The following ASTN1 variants were observed in gnomAD, a reference collection of about 807,000 sequenced individuals.
ASTN1 encodes astrotactin 1.
In ASTN1, 41 loss-of-function variants were observed where a neutral mutation model predicts 140.7. The ratio of observed to expected loss-of-function variants is 0.29; its 90% CI spans 0.23 to 0.38. The LOEUF is 0.38. Among genes scored for constraint, ASTN1 ranks in the 10% least tolerant of loss-of-function variants. The probability of loss-of-function intolerance (pLI) is 1.00; values close to 1 mark genes in which losing one functional copy is unlikely to be tolerated. For missense variants in ASTN1, 1,479 were observed against 1,678.8 expected (o/e 0.88, Z 2.08); for synonymous variants, 640 against 652.2 (o/e 0.98, Z 0.29).
At position 177,023,554 on chromosome 1, in the gene ASTN1, G is replaced by C; in HGVS notation, c.1288C>G (p.Leu430Val). The C allele has an allele frequency of 6.3e-7, 1 of 1,596,636 alleles. No individual in the cohort carries two copies. The change falls in exon 7 of 23, where the codon CTG becomes GTG. Residue 430 changes from leucine to valine, a missense_variant. Leu to Val is a conservative substitution (Grantham distance 32). Transcript: ENST00000361833. Reference protein sequence around the residue: ...LIADGSRFILLEGSQLDASDW... With the variant: ...LIADGSRFILVEGSQLDASDW... ...CTGGCATCCAGCTGGCTCCCCTCCA[G>C]CAAGATGAAGCGGCTCCCTGCAGGG...
chr1:176,977,745 A>T (rs961861651), intron 8 of ASTN1, among the ~76,000 whole-genome samples: 15 of 152,226 alleles, frequency 9.9e-5, no homozygotes, highest in Non-Finnish European at 4.4e-5. Context: ...GAAATTAAAT[A>T]ACATAAGCCA....
At chr1:176,985,173 T>C (rs1324458457) in intron 8 of ASTN1, among the ~76,000 whole-genome samples, 1 of 152,224 alleles carries the variant, frequency 6.6e-6, no homozygotes, top group Admixed American at 6.5e-5. Context: ...GTCACTTTCA[T>C]CTGCCAGGGG....
At chr1:177,032,874 A>G (rs371716435) in intron 2 of ASTN1, 25 bp from the exon 3 acceptor site, 28 of 1,557,378 alleles carry the variant, frequency 1.8e-5, no homozygotes, top group Middle Eastern at 1.7e-4. Context: ...CCACAGATGG[A>G]TGTGGGAAGA....
At chr1:176,939,881 C>T (rs772951623) in intron 14 of ASTN1, among the ~76,000 whole-genome samples, 11 of 147,776 alleles carry the variant, frequency 7.4e-5, no homozygotes, top group Non-Finnish European at 1.0e-4. Context: ...GAGGGAGGGA[C>T]GGAGGAAGGG....
At chr1:176,874,868 T>C (rs556877351) in intron 21 of ASTN1, among the ~76,000 whole-genome samples, 2 of 152,038 alleles carry the variant, frequency 1.3e-5, no homozygotes, top group South Asian at 4.2e-4. Context: ...ATCAAGCAGT[T>C]AGATGGGAGG....
chr1:177,144,337 C>A (rs1245485374), intron 1 of ASTN1, among the ~76,000 whole-genome samples: 1 of 151,354 alleles, frequency 6.6e-6, no homozygotes, highest in Non-Finnish European at 1.5e-5. Flanking sequence ...ACTGCAAACT[C>A]CGCCTCCCGG....
intron 16 of ASTN1, among the ~76,000 whole-genome samples, chr1:176,911,975 A>C (rs1216791184): frequency 6.6e-6 from 1 of 152,180 alleles, no homozygotes; most frequent in Non-Finnish European, 1.5e-5. Flanking sequence ...AGTGGCAGAA[A>C]TTTTTCAGCT....
At chr1:176,958,133 A>G (rs1043341431) in intron 10 of ASTN1, among the ~76,000 whole-genome samples, 2 of 152,212 alleles carry the variant, frequency 1.3e-5, no homozygotes, top group Non-Finnish European at 2.9e-5. Context: ...CTCTAATTTT[A>G]TGTCTTCTTC....
chr1:176,909,155 G>A (rs1344014974), intron 16 of ASTN1, among the ~76,000 whole-genome samples: 4 of 152,204 alleles, frequency 2.6e-5, no homozygotes, highest in African/African-American at 9.6e-5. Flanking sequence ...CTGGCAGGAG[G>A]GAGCAGACTA....
chr1:176,949,178 A>G lies in ASTN1; in HGVS notation c.2054+7T>C. ...CGCCAGGTGGCCTCGCTGGCAGCTC[A>G]ACTCACCCACAGAACATGAGGATGT... is the stretch of plus-strand genomic sequence containing the variant. On this transcript the variant is annotated splice_region_variant and intron_variant, in intron 12 of 22. Coordinates refer to ENST00000361833, the MANE Select transcript of ASTN1 (RefSeq NM_004319.3). 2.5e-6 allele frequency: 4 copies of G among 1,613,526 alleles called. No homozygotes were observed. The highest frequency in any genetic ancestry group is 3.4e-6 in the Non-Finnish European group (4 of 1,179,846).
At chr1:177,150,976 T>C (rs1022852122) in intron 1 of ASTN1, among the ~76,000 whole-genome samples, 5 of 152,116 alleles carry the variant, frequency 3.3e-5, no homozygotes, top group Non-Finnish European at 5.9e-5. Context: ...ACAAAACATG[T>C]TTTGATACAG....
chr1:176,988,155 C>A (rs228003), intron 8 of ASTN1, among the ~76,000 whole-genome samples: 86,007 of 151,674 alleles, frequency 0.57, 24,805 homozygotes, highest in African/African-American at 0.62. Context: ...CCCTGAAACC[C>A]AGAAAAGAGA....
At chr1:176,990,476 G>T (rs1295477866) in intron 8 of ASTN1, among the ~76,000 whole-genome samples, 1 of 151,506 alleles carries the variant, frequency 6.6e-6, no homozygotes, top group Admixed American at 6.6e-5. Context: ...GAATGGGGGA[G>T]AATAAGTAGA....
intron 16 of ASTN1, among the ~76,000 whole-genome samples, chr1:176,913,948 C>T (rs185141384): frequency 6.6e-6 from 1 of 152,238 alleles, no homozygotes. Flanking sequence ...AAGAGACAAA[C>T]AATTTAGCTA....
intron 8 of ASTN1, among the ~76,000 whole-genome samples, chr1:176,990,411 T>G (rs1392387818): frequency 5.3e-5 from 8 of 151,562 alleles, no homozygotes; most frequent in Non-Finnish European, 1.5e-5. Flanking sequence ...AGAAGTGCAA[T>G]GGCCTGGAAA....
chr1:177,128,018 T>G (rs1184602678), intron 1 of ASTN1, among the ~76,000 whole-genome samples: 1 of 152,090 alleles, frequency 6.6e-6, no homozygotes, highest in Non-Finnish European at 1.5e-5. Context: ...GTAATAATAA[T>G]AATATAAATG....
chr1:176,888,788 G>A (rs1473159991), intron 17 of ASTN1, among the ~76,000 whole-genome samples: 3 of 152,172 alleles, frequency 2.0e-5, no homozygotes, highest in African/African-American at 7.2e-5. Flanking sequence ...TAAGAGCTGG[G>A]CTCTGGAGCT....
At chr1:176,985,254 G>A (rs1571606611) in intron 8 of ASTN1, among the ~76,000 whole-genome samples, 1 of 152,220 alleles carries the variant, frequency 6.6e-6, no homozygotes, top group East Asian at 1.9e-4. Context: ...AAGACCCAGA[G>A]TTTCTTCTCC....
intron 2 of ASTN1, among the ~76,000 whole-genome samples, chr1:177,054,997 G>A (rs1677728582): frequency 6.6e-6 from 1 of 152,134 alleles, no homozygotes; most frequent in South Asian, 2.1e-4. Flanking sequence ...AATCAGGAGA[G>A]TGTTGTCTCT....
Sources: allele counts gnomAD v4.1 joint callset (sites outside exome capture counted in the v4.1 genomes callset), GRCh38; gene constraint gnomAD v4.1.1; transcripts MANE v1.5; gene names NCBI Gene and HGNC (gene_info 2026-07-23, HGNC 2026-07-21).